The following PDZD2 variants were observed in gnomAD, a reference collection of about 807,000 sequenced individuals.
PDZD2 encodes the protein PDZ domain-containing protein 2.
PDZD2 carries 90 observed loss-of-function variants against 220.7 expected under a neutral mutation model. The ratio of observed to expected loss-of-function variants is 0.41; its 90% CI spans 0.34 to 0.49. The LOEUF is 0.49. PDZD2 is among the 20% of genes least tolerant of loss of function. The pLI is 0.28. For missense variants in PDZD2, 3,174 were observed against 3,608.5 expected (o/e 0.88, Z 3.08); for synonymous variants, 1,375 against 1,450.5 (o/e 0.95, Z 1.18).
intron 2 of PDZD2, among the ~76,000 whole-genome samples, chr5:31,915,944 C>CG (rs1561066602): frequency 6.6e-6 from 1 of 152,006 alleles, no homozygotes; most frequent in African/African-American, 2.4e-5. Context: ...GGCAGGGACT[C>CG]CAAGTGTCAG....
At position 31,827,698 on chromosome 5, in the gene PDZD2, AAT is replaced by A. The variant is rs1334817267; in HGVS notation, c.476+27976_476+27977del. ...TAGAGCAAGACTCTGTCTCAAAAAA[AAT>A]AAATAAATAAAAAAATAAAAATAAT... On this transcript the variant is annotated intron_variant, in intron 2 of 24. Transcript: ENST00000438447. Among the ~76,000 whole-genome samples the A allele has an allele frequency of 7.2e-4, 86 of 120,000 alleles. 1 individual carries two copies. The highest frequency in any genetic ancestry group is 1.0e-3 in the African/African-American group (28 of 26,800). The allele number at this position is 120,000 out of a possible 152,430, so 78.7% of individuals were successfully genotyped here. A position where few individuals can be genotyped will look rare whatever the true frequency, so the allele number is the denominator to read the frequency against.
At chr5:31,989,415 T>C (rs1750999808) in intron 3 of PDZD2, among the ~76,000 whole-genome samples, 1 of 145,404 alleles carries the variant, frequency 6.9e-6, no homozygotes, top group African/African-American at 2.7e-5. Flanking sequence ...TACCACATTT[T>C]CTTTTCTTTT....
Position 32,089,600 on chromosome 5 carries a change from GAC to G in PDZD2, c.6154_6155del (p.Gln2052GlufsTer2), listed in dbSNP as rs984257187. On this transcript the variant is annotated frameshift_variant, in exon 20 of 25. Transcript: ENST00000438447. LOFTEE classifies it high-confidence loss of function. ...AACGGCATGTCCGTGGCAGGGAACA[GAC>G]AGAGTGAGCCGCGCCTGGCCAGCCA... 6.2e-7 allele frequency: 1 copy of G among 1,612,638 alleles called. No individual in the cohort carries two copies. Among genetic ancestry groups the G allele is most frequent in the Non-Finnish European group, 8.5e-7 (1 of 1,179,948 alleles).
intron 9 of PDZD2, among the ~76,000 whole-genome samples, chr5:32,053,529 T>C (rs1463467207): frequency 6.6e-6 from 1 of 152,218 alleles, no homozygotes; most frequent in Non-Finnish European, 1.5e-5. Flanking sequence ...TAAAACTTTT[T>C]CCCTTAATGT....
At chr5:31,685,577 G>A (rs1273076148) in intron 1 of PDZD2, among the ~76,000 whole-genome samples, 1 of 152,166 alleles carries the variant, frequency 6.6e-6, no homozygotes, top group Non-Finnish European at 1.5e-5. Flanking sequence ...AGGCTGGAGT[G>A]CAATGGTGTT....
Position 32,088,402 on chromosome 5 carries a change from T to C in PDZD2, c.4954T>C (p.Leu1652=). The change falls in exon 20 of 25, where the codon TTG becomes CTG. Residue 1652 remains leucine, a synonymous_variant. Coordinates refer to ENST00000438447, the MANE Select transcript of PDZD2 (RefSeq NM_178140.4). This position sits in a 1 kb window ranked among gnomAD's most constrained non-coding sequence, Gnocchi z 4.6. The part of the protein sequence containing the change: ...VASPREKAAC[L]PGSYTSGPDS... ...CAGTCCCCGTGAGAAGGCCGCCTGC[T>C]TGCCAGGCTCATACACTTCAGGCCC... 1 of 1,613,870 alleles carries C rather than the reference T, an allele frequency of 6.2e-7. No homozygotes were observed. Among genetic ancestry groups the C allele is most frequent in the Non-Finnish European group, 8.5e-7 (1 of 1,179,876 alleles).
At position 32,071,410 on chromosome 5, in the gene PDZD2, GC is replaced by G; in HGVS notation, c.2561del (p.Ala854GlufsTer69). ...LGTPLKSPSL[A>X]KKDSLISESE... ...TACCCCCTTGAAGAGTCCCTCTCTT[GC>G]AAAAAAGGTGAGTCAAGGTGAACTG... On this transcript the variant is annotated frameshift_variant, in exon 16 of 25. Transcript: ENST00000438447. LOFTEE classifies it high-confidence loss of function. The G allele has an allele frequency of 6.2e-7, 1 of 1,609,726 alleles. No homozygotes were observed. Among genetic ancestry groups the G allele is most frequent in the African/African-American group, 1.3e-5 (1 of 74,878 alleles).
intron 21 of PDZD2, among the ~76,000 whole-genome samples, chr5:32,095,354 C>G (rs955637497): frequency 2.6e-5 from 4 of 152,218 alleles, no homozygotes; most frequent in Non-Finnish European, 4.4e-5. Flanking sequence ...GCAGGGCTAT[C>G]CTTACTCTGC....
intron 18 of PDZD2, 106 bp from the exon 19 acceptor site, chr5:32,077,356 C>G (rs1196144419): frequency 1.8e-6 from 2 of 1,114,704 alleles, no homozygotes; most frequent in African/African-American, 3.1e-5. Context: ...GTCCAGGGCC[C>G]CTTTGCCTTT....
intron 2 of PDZD2, among the ~76,000 whole-genome samples, chr5:31,880,794 T>TTTTTC (rs1561536930): frequency 4.7e-5 from 5 of 106,234 alleles, no homozygotes; most frequent in South Asian, 6.7e-4. Flanking sequence ...TTTTTTTCTT[T>TTTTTC]TTTTTTTTTT....
chr5:31,710,588 C>A (rs1040776236), intron 1 of PDZD2, among the ~76,000 whole-genome samples: 2 of 152,124 alleles, frequency 1.3e-5, no homozygotes, highest in East Asian at 3.9e-4. Context: ...GAGGCCGAGG[C>A]GGGTGGATCA....
intron 1 of PDZD2, among the ~76,000 whole-genome samples, chr5:31,668,621 A>G (rs908145220): frequency 2.0e-5 from 3 of 152,198 alleles, no homozygotes; most frequent in African/African-American, 7.2e-5. Context: ...GGATAGTAAT[A>G]ACCCAGGAGG....
At chr5:31,977,696 G>A (rs1749907703) in intron 2 of PDZD2, among the ~76,000 whole-genome samples, 1 of 152,240 alleles carries the variant, frequency 6.6e-6, no homozygotes, top group African/African-American at 2.4e-5. Flanking sequence ...CAACTGGCCA[G>A]ACGCAGTGCC....
intron 2 of PDZD2, among the ~76,000 whole-genome samples, chr5:31,912,502 G>T (rs922224198): frequency 1.3e-5 from 2 of 152,154 alleles, no homozygotes; most frequent in Non-Finnish European, 1.5e-5. Context: ...TAGCAGATGG[G>T]TGTCCCATTT....
intron 2 of PDZD2, among the ~76,000 whole-genome samples, chr5:31,966,166 AACCTCAGTTTTCTT>A (rs998687147): frequency 2.9e-4 from 44 of 152,232 alleles, no homozygotes; most frequent in African/African-American, 8.9e-4. Flanking sequence ...AATCTCTTTA[AACCTCAGTTTTCTT>A]ACCTTTAAAA....
At chr5:32,068,840 C>CGTGT (rs112138758) in intron 14 of PDZD2, among the ~76,000 whole-genome samples, 6 of 151,660 alleles carry the variant, frequency 4.0e-5, no homozygotes, top group South Asian at 4.2e-4. Flanking sequence ...ATTCTGTGTG[C>CGTGT]GTGTGTGTGT....
rs1004518455 is a variant in PDZD2, at chr5:31,872,205, G to A, written c.476+72481G>A. Among the ~76,000 whole-genome samples the A allele has an allele frequency of 3.3e-5, 5 of 150,896 alleles. No individual in the cohort carries two copies. The South Asian group carries it at 1.1e-3, about 32-fold the overall frequency. ...ACCTGAGGCTGCTGACAACTTGTGG[G>A]CAAAGCAGAGAGCCCAGCCATAGAA... is the stretch of plus-strand genomic sequence containing the variant. On this transcript the variant is annotated intron_variant, in intron 2 of 24. Coordinates refer to ENST00000438447, the MANE Select transcript of PDZD2 (RefSeq NM_178140.4).
At chr5:32,022,049 G>T (rs1754236768) in intron 6 of PDZD2, among the ~76,000 whole-genome samples, 1 of 152,148 alleles carries the variant, frequency 6.6e-6, no homozygotes, top group South Asian at 2.1e-4. Flanking sequence ...TCCACACTCA[G>T]CACTGTGCTG....
chr5:32,054,380 G>A (rs1738899924), intron 10 of PDZD2, among the ~76,000 whole-genome samples: 1 of 134,652 alleles, frequency 7.4e-6, no homozygotes, highest in African/African-American at 2.8e-5. Flanking sequence ...CTGGAGTGCA[G>A]TGGCATGATC....
Sources: allele counts gnomAD v4.1 joint callset (sites outside exome capture counted in the v4.1 genomes callset), GRCh38; gene constraint gnomAD v4.1.1; non-coding constraint Gnocchi (gnomAD v3.1); transcripts MANE v1.5; gene names NCBI Gene and HGNC (gene_info 2026-07-23, HGNC 2026-07-21).